NKAIN1: variants seen among roughly 807,000 people sequenced by gnomAD.
NKAIN1 encodes sodium/potassium-transporting ATPase subunit beta-1-interacting protein 1.
A neutral mutation model predicts 31.6 loss-of-function variants in NKAIN1; 13 were observed. The ratio of observed to expected loss-of-function variants is 0.41; its 90% CI spans 0.27 to 0.65. The LOEUF is 0.65. Among genes scored for constraint, NKAIN1 ranks in the 30% least tolerant of loss-of-function variants. The pLI is 0.30. For synonymous variants in NKAIN1, 104 were observed against 109.0 expected, an observed-to-expected ratio of 0.95 and a Z score of 0.28; for missense variants, 193 against 262.2, an observed-to-expected ratio of 0.74 and a Z score of 1.82.
At chr1:31,207,576 C>T (rs896875465) in intron 1 of NKAIN1, among the ~76,000 whole-genome samples, 1 of 152,148 alleles carries the variant, frequency 6.6e-6, no homozygotes, top group Non-Finnish European at 1.5e-5. Context: ...CCAAGCAGCC[C>T]AGCAGCTGCC....
intron 1 of NKAIN1, among the ~76,000 whole-genome samples, chr1:31,221,608 G>A (rs574846061): frequency 5.1e-4 from 77 of 151,978 alleles, no homozygotes; most frequent in African/African-American, 1.5e-3. Context: ...GCTAATTTTT[G>A]TATTTTTAGT....
In NKAIN1 at chr1:31,201,656, C is replaced by A. The variant is rs180841215; in HGVS notation, c.55-13469G>T. On this transcript the variant is annotated intron_variant, in intron 1 of 6. Coordinates refer to ENST00000373736, the MANE Select transcript of NKAIN1 (RefSeq NM_024522.3). ...GATTACAGGCGTGAGCCACCGCGCC[C>A]GGCCAATCCTACCCCTTTTTATAAA... Among the ~76,000 whole-genome samples, 678 of 152,258 alleles carry A rather than the reference C, an allele frequency of 4.5e-3. 6 individuals carry two copies. The highest frequency in any genetic ancestry group is 6.5e-3 in the Non-Finnish European group (444 of 68,016).
chr1:31,210,714 G>C (rs1254956049), intron 1 of NKAIN1, among the ~76,000 whole-genome samples: 1 of 152,170 alleles, frequency 6.6e-6, no homozygotes, highest in Non-Finnish European at 1.5e-5. Context: ...ACCCACATCT[G>C]TGCATCAGGC....
At chr1:31,192,065 T>TG (rs1206739224) in intron 1 of NKAIN1, among the ~76,000 whole-genome samples, 1 of 152,118 alleles carries the variant, frequency 6.6e-6, no homozygotes, top group Non-Finnish European at 1.5e-5. Flanking sequence ...CATAAGCCAC[T>TG]GCGCTGGGCC....
Position 31,233,796 on chromosome 1 carries a change from A to G in NKAIN1, c.54+5698T>C, listed in dbSNP as rs59865338. On this transcript the variant is annotated intron_variant, in intron 1 of 6. Transcript: ENST00000373736. The surrounding 1 kb of genome is among the most constrained non-coding windows in gnomAD (Gnocchi z 4.0). ...ACCGTACTTGGCTATCCCGGCATCA[A>G]CTTGCGAATTCCCCAAACTGCCATG... Among the ~76,000 whole-genome samples the G allele has an allele frequency of 0.5, 76,329 of 151,998 alleles. 20,073 individuals are homozygous for G. Among genetic ancestry groups the G allele is most frequent in the Non-Finnish European group, 0.59 (39,911 of 67,964 alleles).
At chr1:31,186,401 T>TTG (rs1645244843) in intron 2 of NKAIN1, among the ~76,000 whole-genome samples, 1 of 148,358 alleles carries the variant, frequency 6.7e-6, no homozygotes, top group South Asian at 2.1e-4. Context: ...TGTGTTTTTT[T>TTG]TTTTTTTTTT....
At chr1:31,190,539 T>G (rs1235347285) in intron 1 of NKAIN1, among the ~76,000 whole-genome samples, 2 of 152,170 alleles carry the variant, frequency 1.3e-5, no homozygotes, top group African/African-American at 4.8e-5. Flanking sequence ...CACCACCTTT[T>G]CCCATCTTGG....
intron 1 of NKAIN1, among the ~76,000 whole-genome samples, chr1:31,222,517 T>TG (rs1156982150): frequency 1.3e-5 from 2 of 152,086 alleles, no homozygotes; most frequent in Non-Finnish European, 2.9e-5. Context: ...CATCTGGGGG[T>TG]GGTGACCCGT....
At chr1:31,215,206 G>T (rs942006068) in intron 1 of NKAIN1, among the ~76,000 whole-genome samples, 1 of 152,120 alleles carries the variant, frequency 6.6e-6, no homozygotes, top group Non-Finnish European at 1.5e-5. Flanking sequence ...TTCTCCTTCC[G>T]ACTAAAAGCC....
intron 1 of NKAIN1, among the ~76,000 whole-genome samples, chr1:31,208,180 G>A (rs911369553): frequency 2.0e-5 from 3 of 152,184 alleles, no homozygotes; most frequent in African/African-American, 7.2e-5. Context: ...CCTCTGGCAA[G>A]TGTTTAAATC....
intron 6 of NKAIN1, 51 bp from the exon 7 acceptor site, chr1:31,181,763 G>A: frequency 1.3e-6 from 2 of 1,539,976 alleles, no homozygotes; most frequent in East Asian, 2.4e-5. Context: ...AAGTATGGGG[G>A]CGGAGAGACC....
intron 5 of NKAIN1, 40 bp downstream of exon 5, chr1:31,182,490 A>G (rs1400349169): frequency 6.2e-7 from 1 of 1,609,526 alleles, no homozygotes; most frequent in South Asian, 1.1e-5. Context: ...CTGAAGGCGC[A>G]GGGCCAGATT....
intron 1 of NKAIN1, among the ~76,000 whole-genome samples, chr1:31,213,659 G>T (rs1645487658): frequency 6.6e-6 from 1 of 152,186 alleles, no homozygotes; most frequent in African/African-American, 2.4e-5. Flanking sequence ...CAGCCAAAAA[G>T]TGGAAACAAC....
chr1:31,207,802 G>A (rs1645435917), intron 1 of NKAIN1, among the ~76,000 whole-genome samples: 3 of 152,048 alleles, frequency 2.0e-5, no homozygotes, highest in African/African-American at 2.4e-5. Context: ...CACTGAGCCC[G>A]CCCTGTACAC....
At chr1:31,198,372 A>T (rs2148354063) in intron 1 of NKAIN1, among the ~76,000 whole-genome samples, 1 of 152,250 alleles carries the variant, frequency 6.6e-6, no homozygotes. Context: ...GACTCAGTGA[A>T]CAGCTCATTG....
At chr1:31,228,674 C>T (rs1304833733) in intron 1 of NKAIN1, among the ~76,000 whole-genome samples, 1 of 152,050 alleles carries the variant, frequency 6.6e-6, no homozygotes, top group Non-Finnish European at 1.5e-5. Flanking sequence ...GCTCACTGCA[C>T]ACTTGACCTC....
At chr1:31,218,064 CTT>C (rs1431421030) in intron 1 of NKAIN1, among the ~76,000 whole-genome samples, 1 of 141,626 alleles carries the variant, frequency 7.1e-6, no homozygotes, top group Admixed American at 7.6e-5. Context: ...TTCTTTCTTT[CTT>C]TCTTTTTTTT....
At chr1:31,200,742 T>C (rs1645373667) in intron 1 of NKAIN1, among the ~76,000 whole-genome samples, 1 of 152,090 alleles carries the variant, frequency 6.6e-6, no homozygotes, top group Non-Finnish European at 1.5e-5. Flanking sequence ...GGATTACAGG[T>C]GTGAGCCACT....
intron 1 of NKAIN1, among the ~76,000 whole-genome samples, chr1:31,188,696 C>G (rs1234791732): frequency 4.6e-5 from 7 of 152,322 alleles, no homozygotes; most frequent in Non-Finnish European, 1.0e-4. Flanking sequence ...TTTCCATGCT[C>G]TTCAGTAGTG....
Sources: allele counts gnomAD v4.1 joint callset (sites outside exome capture counted in the v4.1 genomes callset), GRCh38; gene constraint gnomAD v4.1.1; non-coding constraint Gnocchi (gnomAD v3.1); transcripts MANE v1.5; gene names NCBI Gene and HGNC (gene_info 2026-07-23, HGNC 2026-07-21).